Variants in GMDS observed in about 807,000 individuals in gnomAD.
The protein encoded by GMDS is GDP-mannose 4,6 dehydratase.
In GMDS, 20 loss-of-function variants were observed where a neutral mutation model predicts 49.9. The ratio of observed to expected loss-of-function variants is 0.40; its 90% CI spans 0.28 to 0.58. The LOEUF (loss-of-function observed/expected upper bound fraction) is 0.58, where lower values mean the gene tolerates loss of function less well. Among genes scored for constraint, GMDS ranks in the 20% least tolerant of loss-of-function variants. The pLI is 0.42. For synonymous variants in GMDS, 177 were observed against 178.6 expected (o/e 0.99, Z 0.07); for missense variants, 362 against 481.4 (o/e 0.75, Z 2.32).
intron 6 of GMDS, among the ~76,000 whole-genome samples, chr6:1,949,728 C>G (rs973321875): frequency 5.3e-5 from 8 of 152,088 alleles, no homozygotes; most frequent in African/African-American, 1.9e-4. Context: ...ACTTTGTGCC[C>G]CAACCAGAAA....
intron 7 of GMDS, among the ~76,000 whole-genome samples, chr6:1,854,988 G>A (rs1207506605): frequency 6.6e-6 from 1 of 152,208 alleles, no homozygotes; most frequent in Non-Finnish European, 1.5e-5. Context: ...GGTCTGAGAT[G>A]TGTAGTTGTC....
At chr6:1,923,563 G>A (rs554332020) in intron 7 of GMDS, among the ~76,000 whole-genome samples, 4 of 152,254 alleles carry the variant, frequency 2.6e-5, no homozygotes, top group Admixed American at 2.0e-4. Context: ...GGGGTTGAGC[G>A]CAGCAGGCTG....
chr6:2,163,428 T>C (rs72830171), intron 1 of GMDS, among the ~76,000 whole-genome samples: 4 of 145,824 alleles, frequency 2.7e-5, no homozygotes, highest in Non-Finnish European at 4.4e-5. Flanking sequence ...TATGTGTGTG[T>C]GTGTGTGTGA....
intron 9 of GMDS, among the ~76,000 whole-genome samples, chr6:1,652,925 C>T (rs1481771557): frequency 1.4e-5 from 2 of 147,708 alleles, no homozygotes; most frequent in Admixed American, 1.4e-4. Flanking sequence ...TCCTGGGTCA[C>T]GTGTGTCTGT....
intron 4 of GMDS, among the ~76,000 whole-genome samples, chr6:2,037,770 C>A (rs930495566): frequency 1.3e-5 from 2 of 152,066 alleles, no homozygotes; most frequent in Non-Finnish European, 2.9e-5. Context: ...GCCGCACTTT[C>A]CTTAGCACTA....
chr6:2,194,556 C>T (rs1008402687), intron 1 of GMDS, among the ~76,000 whole-genome samples: 7 of 152,306 alleles, frequency 4.6e-5, no homozygotes, highest in Non-Finnish European at 8.8e-5. Context: ...AATCATGTTT[C>T]ACATCTCTAA....
At chr6:1,642,047 A>G (rs931329123) in intron 9 of GMDS, among the ~76,000 whole-genome samples, 1 of 151,404 alleles carries the variant, frequency 6.6e-6, no homozygotes, top group Admixed American at 6.6e-5. Context: ...CGCCCTGCGT[A>G]GCACTCTCCT....
intron 7 of GMDS, among the ~76,000 whole-genome samples, chr6:1,743,276 G>T (rs550159336): frequency 1.3e-5 from 2 of 152,166 alleles, no homozygotes; most frequent in African/African-American, 4.8e-5. Flanking sequence ...ATGTCTAGCA[G>T]GGCGCGGTGG....
chr6:1,828,268 G>GA (rs1771209077), intron 7 of GMDS, among the ~76,000 whole-genome samples: 1 of 152,060 alleles, frequency 6.6e-6, no homozygotes, highest in South Asian at 2.1e-4. Flanking sequence ...GAAAATGAAT[G>GA]AAAAAAAGTG....
chr6:1,652,334 T>G (rs537852498), intron 9 of GMDS, among the ~76,000 whole-genome samples: 1 of 113,494 alleles, frequency 8.8e-6, no homozygotes, highest in Admixed American at 1.2e-4. Context: ...ATCGTGCCAT[T>G]GCACTCCAGC....
intron 4 of GMDS, among the ~76,000 whole-genome samples, chr6:1,976,178 C>A (rs916964286): frequency 2.7e-5 from 4 of 146,998 alleles, no homozygotes; most frequent in Non-Finnish European, 6.1e-5. Context: ...GTCCAGAAGA[C>A]CTGAATGAGG....
At chr6:1,927,293 G>A (rs11753438) in intron 7 of GMDS, among the ~76,000 whole-genome samples, 5 of 10,820 alleles carry the variant, frequency 4.6e-4, no homozygotes, top group Non-Finnish European at 1.1e-3. Flanking sequence ...TAGCGTGTTG[G>A]TGTATTTTTA....
At chr6:1,868,873 T>A (rs1758574765) in intron 7 of GMDS, among the ~76,000 whole-genome samples, 1 of 152,252 alleles carries the variant, frequency 6.6e-6, no homozygotes, top group Non-Finnish European at 1.5e-5. Flanking sequence ...ATTATGAATA[T>A]GTTTAAAATA....
chr6:2,173,694 G>A (rs1778133609), intron 1 of GMDS, among the ~76,000 whole-genome samples: 1 of 152,204 alleles, frequency 6.6e-6, no homozygotes, highest in African/African-American at 2.4e-5. Flanking sequence ...TTGTAGTTCT[G>A]ATAATCAAGA....
chr6:2,205,148 A>G (rs1253647542), intron 1 of GMDS, among the ~76,000 whole-genome samples: 1 of 152,228 alleles, frequency 6.6e-6, no homozygotes, highest in Non-Finnish European at 1.5e-5. Context: ...GGATGTTAAT[A>G]ACACCATTTT....
intron 4 of GMDS, among the ~76,000 whole-genome samples, chr6:2,034,528 T>A (rs762778280): frequency 6.6e-6 from 1 of 152,194 alleles, no homozygotes; most frequent in African/African-American, 2.4e-5. Context: ...CTGAATGTTG[T>A]ACTTTAAATA....
chr6:2,041,898 A>G (rs1325551511), intron 4 of GMDS, among the ~76,000 whole-genome samples: 3 of 152,236 alleles, frequency 2.0e-5, no homozygotes, highest in Non-Finnish European at 2.9e-5. Flanking sequence ...ATATGTGTCC[A>G]AGAGCAGAGG....
At chr6:1,782,529 G>A (rs1437161077) in intron 7 of GMDS, among the ~76,000 whole-genome samples, 1 of 152,180 alleles carries the variant, frequency 6.6e-6, no homozygotes, top group Non-Finnish European at 1.5e-5. Flanking sequence ...GAGAAAATGG[G>A]ACCATCTTCA....
chr6:1,867,207 A>G (rs907126975), intron 7 of GMDS, among the ~76,000 whole-genome samples: 2 of 152,236 alleles, frequency 1.3e-5, no homozygotes, highest in African/African-American at 2.4e-5. Context: ...AAAAGTGAAA[A>G]TGTTCACATA....
Sources: gnomAD v4.1 joint callset for allele counts (sites outside exome capture counted in the v4.1 genomes callset) on GRCh38, gnomAD v4.1.1 for gene constraint, MANE v1.5 for transcripts, NCBI Gene and HGNC (gene_info 2026-07-23, HGNC 2026-07-21) for gene names.